The following PRPF39 variants were observed in gnomAD, a reference collection of about 807,000 sequenced individuals.
The protein encoded by PRPF39 is pre-mRNA processing factor 39, also known as pre-mRNA-processing factor 39.
In PRPF39, 27 loss-of-function variants were observed where a neutral mutation model predicts 82.1. The observed-to-expected ratio is 0.33, with a 90% CI of 0.24 to 0.45. PRPF39 has a LOEUF of 0.45. PRPF39 is among the 20% of genes least tolerant of loss of function. PRPF39 has a pLI of 1.00. For missense variants in PRPF39, 581 were observed against 796.9 expected (o/e 0.73, Z 3.26); for synonymous variants, 261 against 256.4 (o/e 1.02, Z -0.17).
chr14:45,096,515 C>G, intron 3 of PRPF39: 1 of 1,437,988 alleles, frequency 7.0e-7, no homozygotes, highest in Non-Finnish European at 9.3e-7. Context: ...TTTTCTCTCA[C>G]TTACATTTAT....
At chr14:45,084,392 C>T (rs1282050284) in intron 1 of PRPF39, 143 bp downstream of exon 1, 1 of 152,496 alleles carries the variant, frequency 6.6e-6, no homozygotes, top group Non-Finnish European at 1.5e-5. Context: ...ATTCAGCGCT[C>T]AGCTGTCCAT....
At chr14:45,104,082 G>A (rs1884453486) in intron 5 of PRPF39, among the ~76,000 whole-genome samples, 1 of 152,188 alleles carries the variant, frequency 6.6e-6, no homozygotes, top group South Asian at 2.1e-4. Context: ...GAGTTTGTAA[G>A]TGATTGGAAG....
chr14:45,113,058 C>T (rs1884739449), intron 11 of PRPF39, among the ~76,000 whole-genome samples: 1 of 152,188 alleles, frequency 6.6e-6, no homozygotes, highest in Non-Finnish European at 1.5e-5. Context: ...TTGGCTAGAG[C>T]ATTGCTGAAG....
chr14:45,105,406 A>G (rs1056485646), intron 5 of PRPF39, among the ~76,000 whole-genome samples: 1 of 151,580 alleles, frequency 6.6e-6, no homozygotes, highest in African/African-American at 2.4e-5. Context: ...CTTATTTTTA[A>G]TTTTTTAACA....
At chr14:45,108,605 C>G (rs867885894) in intron 7 of PRPF39, 83 bp downstream of exon 7, 3 of 1,452,036 alleles carry the variant, frequency 2.1e-6, no homozygotes, top group African/African-American at 3.0e-5. Flanking sequence ...AGTACTATCT[C>G]TGTTGTAACT....
At chr14:45,088,342 C>CA (rs1282613016) in intron 1 of PRPF39, 1 of 160,968 alleles carries the variant, frequency 6.2e-6, no homozygotes, top group Non-Finnish European at 1.4e-5. Context: ...AAACTTTGCC[C>CA]AGAAGATTAG....
chr14:45,086,471 A>G (rs1883831850), intron 1 of PRPF39, among the ~76,000 whole-genome samples: 1 of 152,180 alleles, frequency 6.6e-6, no homozygotes, highest in Non-Finnish European at 1.5e-5. Flanking sequence ...AATAAAGTGT[A>G]ATGTAGTGAA....
At chr14:45,093,779 T>C (rs1884115478) in intron 1 of PRPF39, among the ~76,000 whole-genome samples, 1 of 151,678 alleles carries the variant, frequency 6.6e-6, no homozygotes, top group Non-Finnish European at 1.5e-5. Flanking sequence ...GGTCTCGAAC[T>C]CCCAACCTCA....
chr14:45,088,873 C>T (rs1883927905), intron 1 of PRPF39, among the ~76,000 whole-genome samples: 1 of 152,150 alleles, frequency 6.6e-6, no homozygotes, highest in African/African-American at 2.4e-5. Context: ...TATACTTTTA[C>T]TATGCAAAGC....
At chr14:45,107,687 G>T in intron 6 of PRPF39, 71 bp downstream of exon 6, 1 of 1,444,100 alleles carries the variant, frequency 6.9e-7, no homozygotes, top group South Asian at 1.3e-5. Flanking sequence ...GCAGCACTTT[G>T]GGAGGCCAAG....
intron 4 of PRPF39, among the ~76,000 whole-genome samples, chr14:45,101,529 A>C (rs546047534): frequency 2.0e-5 from 3 of 151,286 alleles, no homozygotes; most frequent in African/African-American, 7.3e-5. Context: ...TGAGTGGTGC[A>C]ATTTCAGCTC....
chr14:45,096,809 T>C (rs1045190043), intron 3 of PRPF39, 78 bp from the exon 4 acceptor site: 1 of 1,542,750 alleles, frequency 6.5e-7, no homozygotes, highest in Admixed American at 2.0e-5. Context: ...TTTCTAAGGT[T>C]CACCGGATAA....
chr14:45,116,212 C>G lies in PRPF39; in HGVS notation c.*1299C>G. The G allele has an allele frequency of 6.2e-7, 1 of 1,612,144 alleles. No homozygotes were observed. Among genetic ancestry groups the G allele is most frequent in the Non-Finnish European group, 8.5e-7 (1 of 1,178,350 alleles). On this transcript the variant is annotated 3_prime_UTR_variant, in exon 14 of 14. Coordinates refer to ENST00000355765, the MANE Select transcript of PRPF39 (RefSeq NM_017922.4). ...GCACTGCTATTTCAATCAATATCCA[C>G]TAATTCCACTTCAAAAGTGAGTTTT... is the stretch of plus-strand genomic sequence containing the variant.
In PRPF39 at chr14:45,114,437, C is replaced by T. The variant is rs568593824; in HGVS notation, c.1833-57C>T. 61 of 1,483,518 alleles carry T rather than the reference C, an allele frequency of 4.1e-5. No homozygotes were observed. In the Middle Eastern group the frequency reaches 7.2e-4, roughly 18 times the overall value. 91.9% of individuals were successfully genotyped at this position (1,483,518 alleles called of 1,614,324 possible). On this transcript the variant is annotated intron_variant, in intron 12 of 13. Coordinates refer to ENST00000355765, the MANE Select transcript of PRPF39 (RefSeq NM_017922.4). ...AATATACAGATAACATTCATCTATT[C>T]GTTAAAGTTCTTACCTGTGGGAGTT... is the stretch of plus-strand genomic sequence containing the variant.
In PRPF39 at chr14:45,107,090, C is replaced by T. The variant is rs377595992; in HGVS notation, c.738-361C>T. Among the ~76,000 whole-genome samples the T allele has an allele frequency of 1.5e-4, 23 of 152,076 alleles. No homozygotes were observed. The East Asian group carries it at 3.9e-3, about 25-fold the overall frequency. On this transcript the variant is annotated intron_variant, in intron 5 of 13. Transcript: ENST00000355765. ...GTAGTAAAATAGATTCTATGACACA[C>T]GAATAGGTATTATCATCTTATTTTA...
chr14:45,116,143 CA>C lies in PRPF39; in HGVS notation c.*1232del. Reference sequence around the variant, plus strand: ...TTCTAACTAGTTGTGTAAATTTCTTCAAGGCCAAGTTTTATCATTGTTGCTA... The same window carrying C: ...TTCTAACTAGTTGTGTAAATTTCTTCAGGCCAAGTTTTATCATTGTTGCTA... On this transcript the variant is annotated 3_prime_UTR_variant, in exon 14 of 14. Coordinates refer to ENST00000355765, the MANE Select transcript of PRPF39 (RefSeq NM_017922.4). The C allele has an allele frequency of 1.5e-6, 2 of 1,324,248 alleles. No homozygotes were observed. Among genetic ancestry groups the C allele is most frequent in the Non-Finnish European group, 2.2e-6 (2 of 923,952 alleles). 82.0% of individuals were successfully genotyped at this position (1,324,248 alleles called of 1,614,324 possible).
intron 1 of PRPF39, among the ~76,000 whole-genome samples, chr14:45,094,950 G>T (rs939868087): frequency 6.6e-6 from 1 of 152,132 alleles, no homozygotes; most frequent in East Asian, 1.9e-4. Context: ...AGCAGGCAGT[G>T]TACTTATTTG....
At chr14:45,098,463 G>A (rs76788076) in intron 4 of PRPF39, among the ~76,000 whole-genome samples, 3 of 135,862 alleles carry the variant, frequency 2.2e-5, no homozygotes, top group Non-Finnish European at 1.6e-5. Flanking sequence ...AAAAAAAAAA[G>A]AGAGAGAGAT....
At chr14:45,091,783 A>G (rs1884035604) in intron 1 of PRPF39, among the ~76,000 whole-genome samples, 1 of 152,232 alleles carries the variant, frequency 6.6e-6, no homozygotes, top group East Asian at 1.9e-4. Context: ...AGCAAATGAT[A>G]GCTATTGTTG....
Sources: allele counts gnomAD v4.1 joint callset (sites outside exome capture counted in the v4.1 genomes callset), GRCh38; gene constraint gnomAD v4.1.1; transcripts MANE v1.5; gene names NCBI Gene and HGNC (gene_info 2026-07-23, HGNC 2026-07-21).